The following TGFBR3 variants were observed in gnomAD, a reference collection of about 807,000 sequenced individuals.
TGFBR3 encodes transforming growth factor beta receptor type 3.
Under a neutral mutation model 87.9 loss-of-function variants are expected in TGFBR3, and 46 were observed. That is an observed-to-expected ratio of 0.52 (90% CI 0.41 to 0.67). TGFBR3 has a LOEUF of 0.67. Ranked by LOEUF, TGFBR3 falls within the 30% of genes least tolerant of loss-of-function variation. The pLI, the probability that TGFBR3 is intolerant of heterozygous loss-of-function variation, is 0.00. For missense variants in TGFBR3, 866 were observed against 1,041.9 expected, an observed-to-expected ratio of 0.83 and a Z score of 2.32; for synonymous variants, 381 against 391.6, an observed-to-expected ratio of 0.97 and a Z score of 0.32.
At chr1:91,882,730 G>A (rs1679143174) in intron 1 of TGFBR3, among the ~76,000 whole-genome samples, 1 of 152,110 alleles carries the variant, frequency 6.6e-6, no homozygotes, top group Non-Finnish European at 1.5e-5. Flanking sequence ...GGGCGACAGA[G>A]CGAGAGACTC....
intron 3 of TGFBR3, among the ~76,000 whole-genome samples, chr1:91,777,394 T>C (rs977288562): frequency 1.3e-5 from 2 of 152,168 alleles, no homozygotes; most frequent in Admixed American, 6.5e-5. Context: ...CCTCAACATA[T>C]TTCATACTCA....
chr1:91,743,608 T>C, intron 4 of TGFBR3, among the ~76,000 whole-genome samples: 1 of 152,240 alleles, frequency 6.6e-6, no homozygotes, highest in African/African-American at 2.4e-5. Context: ...AGAAGGTTCC[T>C]TCAGAGGCTG....
At chr1:91,694,337 T>C (rs972245419) in intron 16 of TGFBR3, among the ~76,000 whole-genome samples, 4 of 152,246 alleles carry the variant, frequency 2.6e-5, no homozygotes, top group Non-Finnish European at 4.4e-5. Flanking sequence ...GAACAAGCAT[T>C]TGAGGACTCA....
At chr1:91,735,941 A>C (rs941861977) in intron 4 of TGFBR3, among the ~76,000 whole-genome samples, 1 of 152,210 alleles carries the variant, frequency 6.6e-6, no homozygotes, top group African/African-American at 2.4e-5. Flanking sequence ...TGAACCATTT[A>C]TTCATAACGA....
chr1:91,833,045 C>T (rs111302093), intron 2 of TGFBR3, among the ~76,000 whole-genome samples: 109 of 149,608 alleles, frequency 7.3e-4, no homozygotes, highest in African/African-American at 2.4e-3. Flanking sequence ...GCCTATAATC[C>T]CAGCACTTTG....
In TGFBR3 at chr1:91,681,632, G is replaced by A. The variant is rs1321840184; in HGVS notation, c.*2107C>T. 6 of 437,744 alleles carry A rather than the reference G, an allele frequency of 1.4e-5. No homozygotes were observed. Among genetic ancestry groups the A allele is most frequent in the Admixed American group, 1.3e-4 (5 of 38,738 alleles). The allele number at this position is 437,744 out of a possible 1,614,324, so 27.1% of individuals were successfully genotyped here. ...TTTTTAAAAAAGCAAAGGACTGATC[G>A]AAAGAATTCACAGTAGCTGAAATTA... is the stretch of plus-strand genomic sequence containing the variant. On this transcript the variant is annotated 3_prime_UTR_variant, in exon 17 of 17. Coordinates refer to ENST00000212355, the MANE Select transcript of TGFBR3 (RefSeq NM_003243.5).
chr1:91,837,285 G>A (rs987173404), intron 2 of TGFBR3, among the ~76,000 whole-genome samples: 8 of 151,426 alleles, frequency 5.3e-5, no homozygotes, highest in African/African-American at 1.7e-4. Context: ...TCTGTCTGTC[G>A]CCCAGGCTGG....
At chr1:91,899,771 T>G (rs1382421795) in intron 1 of TGFBR3, 1 of 152,088 alleles carries the variant, frequency 6.6e-6, no homozygotes, top group Non-Finnish European at 1.5e-5. Context: ...AATTAACATT[T>G]ATACAAGAAC....
intron 1 of TGFBR3, among the ~76,000 whole-genome samples, chr1:91,873,264 C>T (rs894627314): frequency 6.7e-6 from 1 of 149,736 alleles, no homozygotes; most frequent in Non-Finnish European, 1.5e-5. Context: ...AGCCATCACA[C>T]CTGGCCAATT....
intron 9 of TGFBR3, 147 bp downstream of exon 9, chr1:91,719,746 G>A: frequency 1.1e-6 from 1 of 941,904 alleles, no homozygotes; most frequent in African/African-American, 1.6e-5. Flanking sequence ...TCACAGCCAA[G>A]GGGAAGTAGG....
At chr1:91,902,586 T>A (rs1489860616) in intron 1 of TGFBR3, among the ~76,000 whole-genome samples, 1 of 151,876 alleles carries the variant, frequency 6.6e-6, no homozygotes, top group African/African-American at 2.4e-5. Context: ...CCCAGCCAAG[T>A]GCAGTTTATT....
At chr1:91,892,458 G>C (rs1424299210) in intron 2 of TGFBR3, among the ~76,000 whole-genome samples, 2 of 151,950 alleles carry the variant, frequency 1.3e-5, no homozygotes, top group Non-Finnish European at 2.9e-5. Context: ...GTGCTCAGGG[G>C]GACAAAAAAA....
chr1:91,719,843 G>A lies in TGFBR3; in HGVS notation c.1413+50C>T, dbSNP rs554783750. 1.1e-5 allele frequency: 17 copies of A among 1,592,424 alleles called. No individual in the cohort carries two copies. In the African/African-American group the frequency reaches 2.1e-4, roughly 20 times the overall value. ...AAATTACAGATGCAGACTAGGGCCAGATGGGAAAGGAGGTAGCCTCTCTTC... is the reference window on the plus strand; with the variant it reads ...AAATTACAGATGCAGACTAGGGCCAAATGGGAAAGGAGGTAGCCTCTCTTC... On this transcript the variant is annotated intron_variant, in intron 9 of 16. Coordinates refer to ENST00000212355, the MANE Select transcript of TGFBR3 (RefSeq NM_003243.5).
chr1:91,801,801 G>A (rs571271506), intron 2 of TGFBR3, among the ~76,000 whole-genome samples: 3 of 152,170 alleles, frequency 2.0e-5, no homozygotes, highest in Non-Finnish European at 4.4e-5. Flanking sequence ...GCATCACACT[G>A]CTGCTGAGAG....
chr1:91,813,566 T>C (rs540812998), intron 2 of TGFBR3, among the ~76,000 whole-genome samples: 1 of 152,314 alleles, frequency 6.6e-6, no homozygotes, highest in Non-Finnish European at 1.5e-5. Flanking sequence ...TATTCACCAT[T>C]CCTTCCTGTC....
intron 15 of TGFBR3, 86 bp from the exon 16 acceptor site, chr1:91,695,865 T>A: frequency 9.2e-7 from 1 of 1,092,864 alleles, no homozygotes; most frequent in East Asian, 2.4e-5. Flanking sequence ...ACAAGCACTG[T>A]CATAAAGGTT....
At chr1:91,730,592 GTC>G (rs1672732722) in intron 5 of TGFBR3, among the ~76,000 whole-genome samples, 1 of 152,076 alleles carries the variant, frequency 6.6e-6, no homozygotes, top group Non-Finnish European at 1.5e-5. Context: ...GTATTTCATG[GTC>G]AGCGTATTTA....
At chr1:91,812,385 AAAGT>A (rs1313221153) in intron 2 of TGFBR3, among the ~76,000 whole-genome samples, 2 of 152,216 alleles carry the variant, frequency 1.3e-5, no homozygotes. Flanking sequence ...TTGTTTCAAA[AAAGT>A]AAGTGTCTTT....
chr1:91,851,685 C>G (rs2101148045), intron 2 of TGFBR3, among the ~76,000 whole-genome samples: 1 of 152,326 alleles, frequency 6.6e-6, no homozygotes, highest in East Asian at 1.9e-4. Flanking sequence ...TAGGCACATA[C>G]AGATAAAGCT....
Sources: allele counts gnomAD v4.1 joint callset (sites outside exome capture counted in the v4.1 genomes callset), GRCh38; gene constraint gnomAD v4.1.1; transcripts MANE v1.5; gene names NCBI Gene and HGNC (gene_info 2026-07-23, HGNC 2026-07-21).